LRRTM4: variants seen among roughly 807,000 people sequenced by gnomAD.
LRRTM4 encodes leucine rich repeat transmembrane neuronal 4.
A neutral mutation model predicts 47.6 loss-of-function variants in LRRTM4; 25 were observed. The ratio of observed to expected loss-of-function variants is 0.53; its 90% confidence interval spans 0.38 to 0.73. The LOEUF (loss-of-function observed/expected upper bound fraction) is 0.73. Ranked by LOEUF, LRRTM4 falls within the 30% of genes least tolerant of loss-of-function variation. The pLI is 0.00. For missense variants in LRRTM4, 638 were observed against 713.4 expected (o/e 0.89, Z 1.20); for synonymous variants, 311 against 269.5 (o/e 1.15, Z -1.51).
At chr2:76,887,957 T>C (rs552020036) in intron 3 of LRRTM4, among the ~76,000 whole-genome samples, 2 of 150,312 alleles carry the variant, frequency 1.3e-5, no homozygotes, top group African/African-American at 4.9e-5. Context: ...CTGAATCTTT[T>C]ATATGTTTCT....
At chr2:77,461,341 C>G (rs1208657823) in intron 3 of LRRTM4, among the ~76,000 whole-genome samples, 1 of 152,118 alleles carries the variant, frequency 6.6e-6, no homozygotes, top group Non-Finnish European at 1.5e-5. Flanking sequence ...TATTCAAACT[C>G]AGTACTTGCC....
intron 3 of LRRTM4, among the ~76,000 whole-genome samples, chr2:76,968,162 A>G (rs1558767578): frequency 6.6e-6 from 1 of 151,224 alleles, no homozygotes; most frequent in Non-Finnish European, 1.5e-5. Flanking sequence ...TACACAGGAA[A>G]AAAAAAGTAG....
chr2:77,079,321 G>A (rs1056567569), intron 3 of LRRTM4, among the ~76,000 whole-genome samples: 1 of 152,160 alleles, frequency 6.6e-6, no homozygotes, highest in African/African-American at 2.4e-5. Flanking sequence ...AGCCAAATAT[G>A]AACCAGTGGC....
chr2:76,927,298 C>A (rs1262679459), intron 3 of LRRTM4, among the ~76,000 whole-genome samples: 2 of 152,048 alleles, frequency 1.3e-5, no homozygotes, highest in African/African-American at 4.8e-5. Context: ...AAACTTCTCC[C>A]AAAATGATCC....
intron 3 of LRRTM4, among the ~76,000 whole-genome samples, chr2:76,808,710 T>G (rs1292205777): frequency 1.3e-5 from 2 of 152,214 alleles, no homozygotes; most frequent in African/African-American, 4.8e-5. Context: ...TTCTAGAATA[T>G]GCCATTACTT....
chr2:77,271,990 G>A (rs1166170679), intron 3 of LRRTM4, among the ~76,000 whole-genome samples: 3 of 151,840 alleles, frequency 2.0e-5, no homozygotes, highest in Non-Finnish European at 2.9e-5. Flanking sequence ...GTGTTCATTT[G>A]CCCAAAATGT....
chr2:76,885,929 A>G (rs952785929), intron 3 of LRRTM4, among the ~76,000 whole-genome samples: 6 of 152,206 alleles, frequency 3.9e-5, no homozygotes, highest in Admixed American at 2.6e-4. Context: ...TGAAGAAACT[A>G]CAAATGGCTT....
At chr2:76,905,566 T>G (rs1573291037) in intron 3 of LRRTM4, among the ~76,000 whole-genome samples, 1 of 151,844 alleles carries the variant, frequency 6.6e-6, no homozygotes, top group East Asian at 2.0e-4. Flanking sequence ...AGGAGGAAAT[T>G]CAAACCAAAG....
At chr2:77,509,671 C>T (rs771963778) in intron 3 of LRRTM4, among the ~76,000 whole-genome samples, 1 of 152,104 alleles carries the variant, frequency 6.6e-6, no homozygotes, top group Non-Finnish European at 1.5e-5. Flanking sequence ...GGTTAATAAT[C>T]ATTCATATTT....
At chr2:76,779,950 A>C (rs566616394) in intron 3 of LRRTM4, among the ~76,000 whole-genome samples, 4 of 152,064 alleles carry the variant, frequency 2.6e-5, no homozygotes, top group Non-Finnish European at 5.9e-5. Context: ...CTTGTAAGGC[A>C]GGCCTGGTGG....
At chr2:76,787,129 C>A (rs973208653) in intron 3 of LRRTM4, among the ~76,000 whole-genome samples, 1 of 151,824 alleles carries the variant, frequency 6.6e-6, no homozygotes, top group African/African-American at 2.4e-5. Context: ...GGACTGTGTT[C>A]ATGTCATAAA....
intron 3 of LRRTM4, among the ~76,000 whole-genome samples, chr2:77,302,759 C>T (rs542377039): frequency 2.0e-5 from 3 of 152,224 alleles, no homozygotes; most frequent in Admixed American, 6.5e-5. Context: ...CACGTGCACA[C>T]GCCCCTTCCT....
intron 3 of LRRTM4, among the ~76,000 whole-genome samples, chr2:77,159,916 A>G (rs564447890): frequency 2.6e-5 from 4 of 152,318 alleles, no homozygotes; most frequent in East Asian, 1.9e-4. Flanking sequence ...GACAGAATCA[A>G]TCTAACACAA....
At chr2:76,883,063 G>C (rs1672975404) in intron 3 of LRRTM4, among the ~76,000 whole-genome samples, 1 of 152,156 alleles carries the variant, frequency 6.6e-6, no homozygotes, top group Non-Finnish European at 1.5e-5. Flanking sequence ...TCCAGGACCA[G>C]GCTACTCTGT....
rs541293797 is a variant in LRRTM4, at chr2:77,413,262, G to A, written c.1551+105056C>T. On this transcript the variant is annotated intron_variant, in intron 3 of 3. Transcript: ENST00000409884. ...TGCTTGATAGACCTAAAAAGAACATGAGTAGGTCTGGCTTTAGTTGCTGCG... is the reference window on the plus strand; with the variant it reads ...TGCTTGATAGACCTAAAAAGAACATAAGTAGGTCTGGCTTTAGTTGCTGCG... Among the ~76,000 whole-genome samples, 4 of 152,132 alleles carry A rather than the reference G, an allele frequency of 2.6e-5. No individual in the cohort carries two copies. The East Asian group carries it at 7.7e-4, about 29-fold the overall frequency.
At chr2:77,516,947 T>C (rs1451162031) in intron 3 of LRRTM4, 1 of 984,852 alleles carries the variant, frequency 1.0e-6, no homozygotes, top group Non-Finnish European at 1.2e-6. Context: ...TTTCCAACTG[T>C]TAACTAGCAT....
chr2:76,753,149 G>C (rs755280843), intron 3 of LRRTM4, among the ~76,000 whole-genome samples: 1 of 152,166 alleles, frequency 6.6e-6, no homozygotes, highest in Non-Finnish European at 1.5e-5. Context: ...AGTAGGTTGT[G>C]AAAGGGAGGA....
Position 76,748,384 on chromosome 2 carries a change from C to T in LRRTM4, c.*311G>A, listed in dbSNP as rs6733240. 1,154 of 348,292 alleles carry T rather than the reference C, an allele frequency of 3.3e-3. 18 individuals are homozygous for T. The highest frequency in any genetic ancestry group is 0.022 in the African/African-American group (1,040 of 47,468). 21.6% of individuals were successfully genotyped at this position (348,292 alleles called of 1,614,324 possible). A position where few individuals can be genotyped will look rare whatever the true frequency, so the allele number is the denominator to read the frequency against. On this transcript the variant is annotated 3_prime_UTR_variant, in exon 4 of 4. Transcript: ENST00000409884. ...AGAAAAATCAAATATACAAACAAACCTATATGTAGCTAGGGTGAAATCTAT... is the reference window on the plus strand; with the variant it reads ...AGAAAAATCAAATATACAAACAAACTTATATGTAGCTAGGGTGAAATCTAT...
At chr2:77,497,564 T>G (rs941602481) in intron 3 of LRRTM4, among the ~76,000 whole-genome samples, 11 of 151,434 alleles carry the variant, frequency 7.3e-5, no homozygotes, top group African/African-American at 2.2e-4. Context: ...AGACAAATAT[T>G]AAGTCTACAT....
Sources: gnomAD v4.1 joint callset for allele counts (sites outside exome capture counted in the v4.1 genomes callset) on GRCh38, gnomAD v4.1.1 for gene constraint, MANE v1.5 for transcripts, NCBI Gene and HGNC (gene_info 2026-07-23, HGNC 2026-07-21) for gene names.